CNTLN: variants seen among roughly 807,000 people sequenced by gnomAD.
CNTLN encodes the protein centlein.
CNTLN carries 212 observed loss-of-function variants against 180.0 expected under a neutral mutation model. The ratio of observed to expected loss-of-function variants is 1.18; its 90% CI spans 1.05 to 1.32. CNTLN has a LOEUF of 1.32. Among genes scored for constraint, CNTLN ranks in the 40% most tolerant of loss-of-function variants. The pLI is 0.00. For synonymous variants in CNTLN, 722 were observed against 563.1 expected, an observed-to-expected ratio of 1.28 and a Z score of -3.99; for missense variants, 2,095 against 1,610.9, an observed-to-expected ratio of 1.30 and a Z score of -5.14.
chr9:17,236,770 A>T (rs1435073999), intron 5 of CNTLN, among the ~76,000 whole-genome samples, 182 bp downstream of exon 5: 1 of 152,184 alleles, frequency 6.6e-6, no homozygotes, highest in Non-Finnish European at 1.5e-5. Flanking sequence ...AAAGCAGGAA[A>T]CTGACTTCAA....
At chr9:17,189,650 A>AT (rs571492365) in intron 2 of CNTLN, among the ~76,000 whole-genome samples, 195 of 148,494 alleles carry the variant, frequency 1.3e-3, no homozygotes, top group Non-Finnish European at 1.6e-3. Flanking sequence ...CACCTGACTA[A>AT]TTTTTTTTGT....
chr9:17,369,645 G>T (rs1824137073), intron 13 of CNTLN, among the ~76,000 whole-genome samples: 1 of 151,422 alleles, frequency 6.6e-6, no homozygotes, highest in Non-Finnish European at 1.5e-5. Context: ...TAGCAGAATT[G>T]ATCAAGCAGA....
At chr9:17,322,327 A>C (rs1819970800) in intron 8 of CNTLN, among the ~76,000 whole-genome samples, 1 of 152,108 alleles carries the variant, frequency 6.6e-6, no homozygotes, top group Non-Finnish European at 1.5e-5. Context: ...TCTTAACTAT[A>C]AACTTTTTTT....
At chr9:17,370,585 A>T (rs1295401177) in intron 13 of CNTLN, among the ~76,000 whole-genome samples, 1 of 152,220 alleles carries the variant, frequency 6.6e-6, no homozygotes, top group African/African-American at 2.4e-5. Flanking sequence ...CAGAAAAAGG[A>T]TATTAATGAG....
chr9:17,194,080 A>G (rs1193696134), intron 2 of CNTLN, among the ~76,000 whole-genome samples: 2 of 152,192 alleles, frequency 1.3e-5, no homozygotes, highest in Non-Finnish European at 2.9e-5. Flanking sequence ...TGCACACAGT[A>G]CAGGGACCCT....
At chr9:17,308,320 C>T (rs1170309987) in intron 7 of CNTLN, among the ~76,000 whole-genome samples, 1 of 152,010 alleles carries the variant, frequency 6.6e-6, no homozygotes, top group East Asian at 1.9e-4. Context: ...TATTTTTTCA[C>T]AGTTTAAGGT....
At chr9:17,302,846 A>C (rs1392550359) in intron 7 of CNTLN, among the ~76,000 whole-genome samples, 1 of 152,232 alleles carries the variant, frequency 6.6e-6, no homozygotes, top group Admixed American at 6.5e-5. Context: ...CACAGTTATA[A>C]AGACAGAATG....
At chr9:17,434,793 A>G (rs1027257987) in intron 18 of CNTLN, among the ~76,000 whole-genome samples, 2 of 152,072 alleles carry the variant, frequency 1.3e-5, no homozygotes. Context: ...GTCTCTCTTC[A>G]TTCCTGAAGG....
rs139608097 is a variant in CNTLN at position 17,498,317 on chromosome 9, A to G, written c.4120-4234A>G. On this transcript the variant is annotated intron_variant, in intron 25 of 25. Transcript: ENST00000380647. ...TCTCAAGCATCTGCAGTCATCATTT[A>G]TATCATTTATATGTCACCTCTAAAG... is the stretch of plus-strand genomic sequence containing the variant. Among the ~76,000 whole-genome samples, 371 of 152,282 alleles carry G rather than the reference A, an allele frequency of 2.4e-3. 2 individuals carry two copies. The highest frequency in any genetic ancestry group is 6.3e-3 in the Admixed American group (96 of 15,280).
At chr9:17,424,807 C>T (rs971167264) in intron 18 of CNTLN, among the ~76,000 whole-genome samples, 3 of 152,154 alleles carry the variant, frequency 2.0e-5, no homozygotes, top group Admixed American at 2.0e-4. Flanking sequence ...TGCCCTTTCA[C>T]CATGTAATGC....
chr9:17,462,656 ATG>A (rs1213040509), intron 19 of CNTLN, among the ~76,000 whole-genome samples: 1 of 151,686 alleles, frequency 6.6e-6, no homozygotes, highest in Non-Finnish European at 1.5e-5. Context: ...TTTCCTGTAA[ATG>A]TATTTTGGAT....
At chr9:17,377,065 G>C (rs1036432396) in intron 13 of CNTLN, among the ~76,000 whole-genome samples, 4 of 151,944 alleles carry the variant, frequency 2.6e-5, no homozygotes, top group Admixed American at 6.5e-5. Flanking sequence ...CTTGAGTTTT[G>C]TTCATTAAAT....
At chr9:17,423,691 G>A (rs1164839428) in intron 18 of CNTLN, among the ~76,000 whole-genome samples, 1 of 152,132 alleles carries the variant, frequency 6.6e-6, no homozygotes, top group Non-Finnish European at 1.5e-5. Flanking sequence ...TTAGCTGGTA[G>A]TGGAGCTTGC....
intron 15 of CNTLN, among the ~76,000 whole-genome samples, chr9:17,406,652 T>C (rs1410154034): frequency 6.6e-6 from 1 of 151,850 alleles, no homozygotes; most frequent in Non-Finnish European, 1.5e-5. Context: ...ATATCATATT[T>C]CAGATTTATT....
chr9:17,319,845 T>G (rs1819787118), intron 8 of CNTLN, among the ~76,000 whole-genome samples: 2 of 152,152 alleles, frequency 1.3e-5, no homozygotes, highest in African/African-American at 4.8e-5. Flanking sequence ...CTATCTCAAC[T>G]TGTAATCCAA....
chr9:17,338,409 G>T (rs1821222744), intron 10 of CNTLN, among the ~76,000 whole-genome samples: 1 of 141,244 alleles, frequency 7.1e-6, no homozygotes, highest in Admixed American at 7.6e-5. Context: ...CTGACCTCAA[G>T]TGGTTTGTCT....
At chr9:17,193,156 G>C (rs1425878481) in intron 2 of CNTLN, among the ~76,000 whole-genome samples, 1 of 152,076 alleles carries the variant, frequency 6.6e-6, no homozygotes. Flanking sequence ...TACAATTCAA[G>C]ATGAGATTTG....
At chr9:17,442,615 T>A (rs952332823) in intron 18 of CNTLN, among the ~76,000 whole-genome samples, 2 of 152,154 alleles carry the variant, frequency 1.3e-5, no homozygotes, top group African/African-American at 4.8e-5. Context: ...ACCAGGCTGG[T>A]CTCAAACTCC....
chr9:17,298,944 A>T lies in CNTLN; in HGVS notation c.1146+592A>T, dbSNP rs1032791375. ...GCAGCAATAATTTAATCTACTAATT[A>T]AAAAAAATACCTTTATTGGCCGGGC... On this transcript the variant is annotated intron_variant, in intron 7 of 25. Transcript: ENST00000380647. The T allele has an allele frequency of 1.0e-5, 10 of 981,770 alleles. No individual in the cohort carries two copies. The South Asian group carries it at 3.3e-4, about 32-fold the overall frequency. 60.8% of individuals were successfully genotyped at this position (981,770 alleles called of 1,614,324 possible).
Sources: gnomAD v4.1 joint callset for allele counts (sites outside exome capture counted in the v4.1 genomes callset) on GRCh38, gnomAD v4.1.1 for gene constraint, MANE v1.5 for transcripts, NCBI Gene and HGNC (gene_info 2026-07-23, HGNC 2026-07-21) for gene names.